Variants in COL21A1 observed in about 807,000 individuals in gnomAD.
COL21A1 encodes collagen type XXI alpha 1 chain.
In COL21A1, 149 loss-of-function variants were observed where a neutral mutation model predicts 137.9. The ratio of observed to expected loss-of-function variants is 1.08; its 90% confidence interval spans 0.95 to 1.24. The LOEUF is 1.24. COL21A1 is among the 50% of genes most tolerant of loss of function. COL21A1 has a pLI of 0.00. For missense variants in COL21A1, 1,167 were observed against 1,158.4 expected (o/e 1.01, Z -0.11); for synonymous variants, 456 against 391.5 (o/e 1.16, Z -1.95).
chr6:56,070,297 G>T (rs1766629993), intron 21 of COL21A1, among the ~76,000 whole-genome samples: 1 of 151,506 alleles, frequency 6.6e-6, no homozygotes, highest in South Asian at 2.1e-4. Flanking sequence ...AAGGTTGGAA[G>T]TGTATTAAAA....
At chr6:56,283,344 T>A (rs1236895462) in intron 1 of COL21A1, among the ~76,000 whole-genome samples, 2 of 151,680 alleles carry the variant, frequency 1.3e-5, no homozygotes, top group Non-Finnish European at 2.9e-5. Context: ...TATTTAACCA[T>A]GTAGAAAAAA....
chr6:56,292,030 G>C, intron 1 of COL21A1, among the ~76,000 whole-genome samples: 1 of 152,074 alleles, frequency 6.6e-6, no homozygotes, highest in East Asian at 1.9e-4. Flanking sequence ...TTATCTGGGT[G>C]TGGTGGTACA....
rs1227878397 is a variant in COL21A1, at chr6:56,260,659, T to TGAAG, written c.-38-78007_-38-78004dup. Among the ~76,000 whole-genome samples the TGAAG allele has an allele frequency of 2.8e-3, 210 of 75,678 alleles. 3 individuals are homozygous for TGAAG. Among genetic ancestry groups the TGAAG allele is most frequent in the African/African-American group, 0.011 (184 of 16,994 alleles). The allele number at this position is 75,678 out of a possible 152,430, so 49.6% of individuals were successfully genotyped here. On this transcript the variant is annotated intron_variant, in intron 1 of 28. Coordinates refer to the COL21A1 transcript ENST00000370819. ...AGGAAGGAAGGAAGGAAGGAAGGAA[T>TGAAG]GAAGGAAGGAAGGAAGGAAGGAAGG...
chr6:56,230,137 T>C (rs1041067943), intron 1 of COL21A1, among the ~76,000 whole-genome samples: 2 of 151,740 alleles, frequency 1.3e-5, no homozygotes, highest in Non-Finnish European at 2.9e-5. Flanking sequence ...GTGGGTCCTG[T>C]AAAAAAAATT....
chr6:56,111,396 G>A (rs1489817233), intron 16 of COL21A1, among the ~76,000 whole-genome samples: 1 of 152,130 alleles, frequency 6.6e-6, no homozygotes, highest in African/African-American at 2.4e-5. Context: ...AAAAACTAAT[G>A]AAACCCAAAT....
chr6:56,097,971 A>ATG lies in COL21A1; in HGVS notation c.1812+3500_1812+3501insCA, dbSNP rs1562188931. ...TAAATATAAAAATATATATAAATATATAAATATATATAAATATATATGTAA... is the reference window on the plus strand; with the variant it reads ...TAAATATAAAAATATATATAAATATATGTAAATATATATAAATATATATGTAA... On this transcript the variant is annotated intron_variant, in intron 17 of 29. Coordinates refer to ENST00000244728, the MANE Select transcript of COL21A1 (RefSeq NM_030820.4). Among the ~76,000 whole-genome samples, 205 of 74,096 alleles carry ATG rather than the reference A, an allele frequency of 2.8e-3. 3 individuals carry two copies. The highest frequency in any genetic ancestry group is 8.5e-3 in the East Asian group (23 of 2,716). 48.6% of individuals were successfully genotyped at this position (74,096 alleles called of 152,430 possible).
At chr6:56,311,449 A>C (rs1165761620) in intron 1 of COL21A1, among the ~76,000 whole-genome samples, 5 of 152,216 alleles carry the variant, frequency 3.3e-5, no homozygotes, top group Admixed American at 2.6e-4. Flanking sequence ...TTGAGAAGAA[A>C]GCTAGTGGAA....
chr6:56,293,134 G>A (rs1018948929), intron 1 of COL21A1, among the ~76,000 whole-genome samples: 4 of 152,018 alleles, frequency 2.6e-5, no homozygotes, highest in Non-Finnish European at 2.9e-5. Context: ...AGAAGTTTCC[G>A]TATATTTGTG....
intron 12 of COL21A1, among the ~76,000 whole-genome samples, chr6:56,133,133 T>C (rs1773702213): frequency 6.6e-6 from 1 of 152,138 alleles, no homozygotes; most frequent in Non-Finnish European, 1.5e-5. Context: ...TTTGGAGGGC[T>C]CAGAAGAACA....
intron 20 of COL21A1, 76 bp downstream of exon 20, chr6:56,074,156 A>G (rs1767002905): frequency 9.7e-7 from 1 of 1,029,744 alleles, no homozygotes; most frequent in African/African-American, 1.7e-5. Context: ...AGGTAGTAGT[A>G]AAATTTTCAT....
intron 1 of COL21A1, among the ~76,000 whole-genome samples, chr6:56,388,441 G>A (rs1000223841): frequency 2.6e-5 from 4 of 152,180 alleles, no homozygotes; most frequent in South Asian, 2.1e-4. Flanking sequence ...AGAGAAAAAA[G>A]CAAGAGACTT....
At chr6:56,244,326 C>A (rs1227952445) in intron 1 of COL21A1, among the ~76,000 whole-genome samples, 1 of 152,164 alleles carries the variant, frequency 6.6e-6, no homozygotes, top group Non-Finnish European at 1.5e-5. Context: ...ATTGCAACAT[C>A]ATAGACTCTC....
chr6:56,072,230 A>G (rs1343684566), intron 20 of COL21A1, among the ~76,000 whole-genome samples: 1 of 151,412 alleles, frequency 6.6e-6, no homozygotes, highest in African/African-American at 2.4e-5. Context: ...AGTTCATTCC[A>G]TGTCTTTTCT....
rs373437709 is a variant in COL21A1 at position 56,269,596 on chromosome 6, A to C, written c.-38-86940T>G. Among the ~76,000 whole-genome samples, 270 of 143,794 alleles carry C rather than the reference A, an allele frequency of 1.9e-3. 1 individual carries two copies. Among genetic ancestry groups the C allele is most frequent in the African/African-American group, 6.8e-3 (265 of 38,970 alleles). The allele number at this position is 143,794 out of a possible 152,430, so 94.3% of individuals were successfully genotyped here. On this transcript the variant is annotated intron_variant, in intron 1 of 28. Coordinates refer to the COL21A1 transcript ENST00000370819. ...CGTGAACCTGGGAGGCAGAGCTTGCAGTGAGCCAAGATCCCGCCACTGCAC... is the reference window on the plus strand; with the variant it reads ...CGTGAACCTGGGAGGCAGAGCTTGCCGTGAGCCAAGATCCCGCCACTGCAC...
intron 2 of COL21A1, 113 bp from the exon 3 acceptor site, chr6:56,180,242 T>G: frequency 1.2e-6 from 1 of 837,552 alleles, no homozygotes; most frequent in Admixed American, 3.1e-5. Flanking sequence ...TATTTTAAAT[T>G]GTCTGTGAAA....
chr6:56,192,580 G>GA (rs2152291672), intron 1 of COL21A1, among the ~76,000 whole-genome samples: 1 of 152,216 alleles, frequency 6.6e-6, no homozygotes, highest in African/African-American at 2.4e-5. Context: ...ACAAGCATAT[G>GA]AAAAAAGCTC....
intron 10 of COL21A1, among the ~76,000 whole-genome samples, chr6:56,146,845 C>T (rs1023859373): frequency 2.0e-5 from 3 of 152,080 alleles, no homozygotes; most frequent in African/African-American, 7.2e-5. Flanking sequence ...ACTACATTAA[C>T]TATAAATGAG....
chr6:56,370,439 G>C (rs1373316418), intron 1 of COL21A1, among the ~76,000 whole-genome samples: 2 of 152,178 alleles, frequency 1.3e-5, no homozygotes, highest in Non-Finnish European at 2.9e-5. Flanking sequence ...AATACAGGTG[G>C]TGTTAACATG....
At chr6:56,097,768 T>C (rs900405418) in intron 17 of COL21A1, among the ~76,000 whole-genome samples, 32 of 122,800 alleles carry the variant, frequency 2.6e-4, no homozygotes, top group African/African-American at 9.1e-4. Flanking sequence ...TATATATAAA[T>C]ATATATAAAT....
Sources: allele counts gnomAD v4.1 joint callset (sites outside exome capture counted in the v4.1 genomes callset), GRCh38; gene constraint gnomAD v4.1.1; transcripts MANE v1.5; gene names NCBI Gene and HGNC (gene_info 2026-07-23, HGNC 2026-07-21).